RBM20: variants seen among roughly 807,000 people sequenced by gnomAD.
RBM20 encodes the protein RNA-binding protein 20.
A neutral mutation model predicts 110.1 loss-of-function variants in RBM20; 51 were observed. The ratio of observed to expected loss-of-function variants is 0.46; its 90% confidence interval spans 0.37 to 0.59. The LOEUF is 0.59. Among genes scored for constraint, RBM20 ranks in the 20% least tolerant of loss-of-function variants. RBM20 has a pLI of 0.00. For missense variants in RBM20, 1,512 were observed against 1,574.9 expected, an observed-to-expected ratio of 0.96 and a Z score of 0.68; for synonymous variants, 589 against 618.2, an observed-to-expected ratio of 0.95 and a Z score of 0.70.
intron 1 of RBM20, among the ~76,000 whole-genome samples, chr10:110,650,776 C>T (rs767071334): frequency 3.3e-5 from 5 of 152,152 alleles, no homozygotes; most frequent in Admixed American, 2.0e-4. Flanking sequence ...GACTCCTTCC[C>T]GAATATGTTT....
At chr10:110,715,067 G>A (rs1021173963) in intron 1 of RBM20, among the ~76,000 whole-genome samples, 4 of 152,160 alleles carry the variant, frequency 2.6e-5, no homozygotes, top group Non-Finnish European at 4.4e-5. Context: ...GGTCAACATG[G>A]TGAAACCCCA....
Position 110,831,113 on chromosome 10 carries a change from G to A in RBM20, c.3504G>A (p.Leu1168=), listed in dbSNP as rs377742289. ...GCTTTTATTGCAAGCTGTGTGGGCT[G>A]TTCTACACGAGCGAGGAGACAGCAA... The part of the protein sequence containing the change: ...RTGFYCKLCG[L]FYTSEETAKM... Residue 1168 remains leucine, a synonymous_variant, in exon 13 of 14, where the codon CTG becomes CTA. Transcript: ENST00000369519. 8.8e-5 allele frequency: 137 copies of A among 1,551,478 alleles called. 1 individual carries two copies. The Middle Eastern group carries it at 2.0e-3, about 23-fold the overall frequency.
intron 1 of RBM20, among the ~76,000 whole-genome samples, chr10:110,763,318 G>A (rs957965824): frequency 1.3e-5 from 2 of 151,974 alleles, no homozygotes; most frequent in East Asian, 3.9e-4. Context: ...CTCCTCCAAG[G>A]GGCTAAGTTA....
At position 110,720,745 on chromosome 10, in the gene RBM20, C is replaced by T. The variant is rs117228110; in HGVS notation, c.192-60056C>T. Reference sequence around the variant, plus strand: ...TAACCCTCATCCCTGTGGTGCCCATCCCACCCTGCCCCTACAGCCTGCTCT... The same window carrying T: ...TAACCCTCATCCCTGTGGTGCCCATTCCACCCTGCCCCTACAGCCTGCTCT... On this transcript the variant is annotated intron_variant, in intron 1 of 13. Transcript: ENST00000369519. 9.8e-3 allele frequency among the ~76,000 whole-genome samples: 1,424 copies of T among 145,422 alleles called. 66 individuals are homozygous for T. The highest frequency in any genetic ancestry group is 0.077 in the Admixed American group (1,132 of 14,778).
At chr10:110,660,235 G>A (rs764620268) in intron 1 of RBM20, among the ~76,000 whole-genome samples, 5 of 151,894 alleles carry the variant, frequency 3.3e-5, no homozygotes, top group African/African-American at 7.3e-5. Context: ...AATGACAGTC[G>A]ACTTGTGGCA....
intron 1 of RBM20, among the ~76,000 whole-genome samples, chr10:110,673,837 G>C (rs1224339445): frequency 1.8e-4 from 28 of 152,190 alleles, no homozygotes; most frequent in Admixed American, 1.8e-3. Context: ...GCTAAGTTCA[G>C]AGAGCCATCA....
chr10:110,705,077 G>C (rs1411900692), intron 1 of RBM20, among the ~76,000 whole-genome samples: 1 of 152,180 alleles, frequency 6.6e-6, no homozygotes, highest in East Asian at 1.9e-4. Flanking sequence ...TCACCATTGT[G>C]AACAAAAAGT....
intron 1 of RBM20, among the ~76,000 whole-genome samples, chr10:110,744,028 A>G (rs1447661126): frequency 1.3e-5 from 2 of 152,142 alleles, no homozygotes. Context: ...TTAGGAAGAA[A>G]TAGAGTAGAA....
At position 110,703,958 on chromosome 10, in the gene RBM20, A is replaced by G. The variant is rs567580005; in HGVS notation, c.191+59313A>G. 2.6e-5 allele frequency among the ~76,000 whole-genome samples: 4 copies of G among 152,314 alleles called. No individual in the cohort carries two copies. The East Asian group carries it at 7.7e-4, about 29-fold the overall frequency. The stretch of plus-strand genomic sequence containing the variant: ...GAAACACCATCTCTCCTAAAAATAC[A>G]AAAATTAGCCAGTTGTGGTGGTGTG... On this transcript the variant is annotated intron_variant, in intron 1 of 13. Transcript: ENST00000369519.
At position 110,645,044 on chromosome 10, in the gene RBM20, A is replaced by G. The variant is rs183834508; in HGVS notation, c.191+399A>G. 7.1e-4 allele frequency among the ~76,000 whole-genome samples: 108 copies of G among 152,282 alleles called. 3 individuals are homozygous for G. The East Asian group carries it at 0.02, about 28-fold the overall frequency. The stretch of plus-strand genomic sequence containing the variant: ...GTGAGGGTGTGTAAGTAAAATGCCA[A>G]AAATTAAACCACCCTTCATGGTGCC... On this transcript the variant is annotated intron_variant, in intron 1 of 13. Transcript: ENST00000369519.
chr10:110,752,658 AC>A (rs1843868433), intron 1 of RBM20, among the ~76,000 whole-genome samples: 1 of 152,032 alleles, frequency 6.6e-6, no homozygotes, highest in Non-Finnish European at 1.5e-5. Context: ...TTGCATACAC[AC>A]CCAAAAATAC....
chr10:110,817,903 A>G (rs939979018), intron 9 of RBM20, among the ~76,000 whole-genome samples: 3 of 152,220 alleles, frequency 2.0e-5, no homozygotes, highest in Admixed American at 6.5e-5. Flanking sequence ...GGCCTACACT[A>G]TGCAGGGCCT....
chr10:110,823,425 G>A (rs1844939755), intron 11 of RBM20, 55 bp from the exon 12 acceptor site: 1 of 1,437,014 alleles, frequency 7.0e-7, no homozygotes, highest in Non-Finnish European at 9.1e-7. Context: ...GAGGCATGTT[G>A]TATTTCTTTT....
chr10:110,684,986 T>C (rs1473436765), intron 1 of RBM20, among the ~76,000 whole-genome samples: 1 of 152,146 alleles, frequency 6.6e-6, no homozygotes, highest in Non-Finnish European at 1.5e-5. Flanking sequence ...TCTTGAGAAG[T>C]GAATCTGTTT....
At chr10:110,816,186 C>G (rs1031409050) in intron 9 of RBM20, among the ~76,000 whole-genome samples, 1 of 151,902 alleles carries the variant, frequency 6.6e-6, no homozygotes, top group Non-Finnish European at 1.5e-5. Flanking sequence ...CTCCTCACCT[C>G]CTTCGTCTTT....
chr10:110,679,441 A>G lies in RBM20; in HGVS notation c.191+34796A>G, dbSNP rs150358288. Among the ~76,000 whole-genome samples, 363 of 152,104 alleles carry G rather than the reference A, an allele frequency of 2.4e-3. 1 individual carries two copies. The highest frequency in any genetic ancestry group is 8.1e-3 in the African/African-American group (338 of 41,508). On this transcript the variant is annotated intron_variant, in intron 1 of 13. Transcript: ENST00000369519. ...CTCACTATGTTGCCCAGGTGATCTC[A>G]AACTAGTGGCCTCAAGCAATCCTCC...
At chr10:110,831,409 T>TTCCC in intron 13 of RBM20, 1 of 463,938 alleles carries the variant, frequency 2.2e-6, no homozygotes, top group South Asian at 3.5e-5. Context: ...TCCCATAGAC[T>TTCCC]TGATTCCATC....
chr10:110,654,107 A>C (rs1406796448), intron 1 of RBM20, among the ~76,000 whole-genome samples: 3 of 152,228 alleles, frequency 2.0e-5, no homozygotes, highest in Non-Finnish European at 2.9e-5. Context: ...TTGTCTGCAG[A>C]GGTGCTACCA....
chr10:110,809,005 G>T (rs11195337), intron 7 of RBM20, among the ~76,000 whole-genome samples: 22 of 151,976 alleles, frequency 1.4e-4, no homozygotes, highest in African/African-American at 5.3e-4. Context: ...GCTTGAGCCC[G>T]GGCGTTCAAG....
Sources: allele counts gnomAD v4.1 joint callset (sites outside exome capture counted in the v4.1 genomes callset), GRCh38; gene constraint gnomAD v4.1.1; transcripts MANE v1.5; gene names NCBI Gene and HGNC (gene_info 2026-07-23, HGNC 2026-07-21).